ATG5: variants seen among roughly 807,000 people sequenced by gnomAD.
ATG5 encodes autophagy protein 5.
ATG5 carries 14 observed loss-of-function variants against 36.5 expected under a neutral mutation model. The observed-to-expected ratio is 0.38, with a 90% CI of 0.25 to 0.60. The LOEUF (loss-of-function observed/expected upper bound fraction) is 0.60, where lower values mean the gene tolerates loss of function less well. Among genes scored for constraint, ATG5 ranks in the 20% least tolerant of loss-of-function variants. ATG5 has a pLI of 0.60. For synonymous variants in ATG5, 95 were observed against 101.5 expected, an observed-to-expected ratio of 0.94 and a Z score of 0.38; for missense variants, 195 against 326.7, an observed-to-expected ratio of 0.60 and a Z score of 3.11.
At chr6:106,245,527 T>C (rs933999234) in intron 6 of ATG5, among the ~76,000 whole-genome samples, 6 of 152,198 alleles carry the variant, frequency 3.9e-5, no homozygotes, top group African/African-American at 1.4e-4. Flanking sequence ...TAGCCTCAGT[T>C]TCCTCACATG....
chr6:106,231,046 G>T (rs543054754), intron 6 of ATG5, among the ~76,000 whole-genome samples: 1 of 150,920 alleles, frequency 6.6e-6, no homozygotes, highest in African/African-American at 2.4e-5. Flanking sequence ...CAACCCAAAC[G>T]GTCCAAAAGG....
At chr6:106,325,036 C>T (rs1771236471) in intron 1 of ATG5, among the ~76,000 whole-genome samples, 1 of 152,004 alleles carries the variant, frequency 6.6e-6, no homozygotes, top group South Asian at 2.1e-4. Context: ...TAAAATAATC[C>T]AAAGTACAAA....
intron 6 of ATG5, among the ~76,000 whole-genome samples, chr6:106,228,438 A>G (rs1285443953): frequency 6.6e-6 from 1 of 152,156 alleles, no homozygotes; most frequent in African/African-American, 2.4e-5. Context: ...TGAGCTGAAC[A>G]CTAGTCACTG....
chr6:106,208,844 A>C (rs1464403723), intron 6 of ATG5, among the ~76,000 whole-genome samples: 1 of 152,246 alleles, frequency 6.6e-6, no homozygotes, highest in Non-Finnish European at 1.5e-5. Context: ...AAAGCAAATA[A>C]TCCAATTAGA....
At chr6:106,229,023 T>C (rs554828527) in intron 6 of ATG5, among the ~76,000 whole-genome samples, 1 of 152,358 alleles carries the variant, frequency 6.6e-6, no homozygotes. Flanking sequence ...CGCCCATGCG[T>C]GCGCTCCTAC....
intron 4 of ATG5, among the ~76,000 whole-genome samples, chr6:106,287,104 T>G (rs578141453): frequency 1.3e-5 from 2 of 152,282 alleles, no homozygotes; most frequent in South Asian, 2.1e-4. Context: ...GCTACCAACA[T>G]TTATAGCTGG....
chr6:106,238,439 T>A (rs1292056878), intron 6 of ATG5, among the ~76,000 whole-genome samples: 1 of 152,222 alleles, frequency 6.6e-6, no homozygotes, highest in Non-Finnish European at 1.5e-5. Flanking sequence ...TATACTTGGA[T>A]GGGATTCTGG....
At chr6:106,293,908 A>C (rs1780425043) in intron 3 of ATG5, among the ~76,000 whole-genome samples, 1 of 152,136 alleles carries the variant, frequency 6.6e-6, no homozygotes, top group African/African-American at 2.4e-5. Context: ...ATTAAATAAT[A>C]CAGGTTGAGT....
chr6:106,299,245 AC>A (rs1417436848), intron 3 of ATG5, among the ~76,000 whole-genome samples: 2 of 152,194 alleles, frequency 1.3e-5, no homozygotes, highest in Non-Finnish European at 2.9e-5. Flanking sequence ...TCTCCCGTAT[AC>A]TTTAAATTAT....
At chr6:106,211,552 T>TA (rs1449846276) in intron 6 of ATG5, among the ~76,000 whole-genome samples, 6 of 151,736 alleles carry the variant, frequency 4.0e-5, no homozygotes, top group Middle Eastern at 3.2e-3. Context: ...CTACTAAAAA[T>TA]AAAAAAAATT....
intron 7 of ATG5, among the ~76,000 whole-genome samples, chr6:106,190,084 C>A (rs1202214964): frequency 2.6e-5 from 4 of 152,084 alleles, no homozygotes; most frequent in African/African-American, 7.2e-5. Context: ...ATAAAATATT[C>A]ATTGTAGTCC....
At chr6:106,189,018 C>T (rs1444743854) in intron 7 of ATG5, among the ~76,000 whole-genome samples, 3 of 152,004 alleles carry the variant, frequency 2.0e-5, no homozygotes, top group African/African-American at 7.2e-5. Flanking sequence ...TTACTCTGTC[C>T]CCAGTGCCTA....
chr6:106,302,424 AAC>A (rs1419605402), intron 3 of ATG5, among the ~76,000 whole-genome samples: 1 of 152,080 alleles, frequency 6.6e-6, no homozygotes, highest in Non-Finnish European at 1.5e-5. Flanking sequence ...TGAGGACAAT[AAC>A]AATGTTAGAT....
chr6:106,289,787 G>A (rs1172452141), intron 4 of ATG5, among the ~76,000 whole-genome samples: 2 of 151,906 alleles, frequency 1.3e-5, no homozygotes, highest in Admixed American at 6.6e-5. Context: ...AAAAAAAACA[G>A]GAACACTGGC....
At chr6:106,265,168 C>CAA (rs748718301) in intron 5 of ATG5, among the ~76,000 whole-genome samples, 76 of 56,700 alleles carry the variant, frequency 1.3e-3, no homozygotes, top group Admixed American at 1.8e-3. Flanking sequence ...AAATGGAAAG[C>CAA]AAAAAAAAAA....
chr6:106,308,593 G>T, intron 2 of ATG5, 102 bp from the exon 3 acceptor site: 1 of 909,454 alleles, frequency 1.1e-6, no homozygotes. Context: ...CGTGTTCTTT[G>T]CATTATTTTG....
chr6:106,297,965 A>ATTTT (rs34194209), intron 3 of ATG5, among the ~76,000 whole-genome samples: 2 of 134,646 alleles, frequency 1.5e-5, no homozygotes, highest in Middle Eastern at 3.7e-3. Context: ...GTCAAAATCT[A>ATTTT]TTTTTTTTTT....
At chr6:106,206,893 C>T (rs1053058910) in intron 6 of ATG5, among the ~76,000 whole-genome samples, 32 of 152,064 alleles carry the variant, frequency 2.1e-4, no homozygotes, top group African/African-American at 7.5e-4. Context: ...TTTTAAATCT[C>T]CACAAATAGG....
intron 6 of ATG5, among the ~76,000 whole-genome samples, chr6:106,235,686 C>T (rs1243575275): frequency 2.0e-5 from 3 of 152,110 alleles, no homozygotes; most frequent in Non-Finnish European, 2.9e-5. Context: ...CGCCTGAGAG[C>T]ACAGCGGGAA....
Sources: gnomAD v4.1 joint callset for allele counts (sites outside exome capture counted in the v4.1 genomes callset) on GRCh38, gnomAD v4.1.1 for gene constraint, MANE v1.5 for transcripts, NCBI Gene and HGNC (gene_info 2026-07-23, HGNC 2026-07-21) for gene names.